The following GABPB2 variants were observed in gnomAD, a reference collection of about 807,000 sequenced individuals.
GABPB2 encodes the protein GA binding protein transcription factor subunit beta 2.
A neutral mutation model predicts 39.1 loss-of-function variants in GABPB2; 23 were observed. That is an observed-to-expected ratio of 0.59 (90% CI 0.42 to 0.83). GABPB2 has a LOEUF of 0.83. GABPB2 is among the 40% of genes least tolerant of loss of function. The pLI is 0.00. For missense variants in GABPB2, 467 were observed against 541.1 expected (o/e 0.86, Z 1.36); for synonymous variants, 184 against 199.3 (o/e 0.92, Z 0.65).
At chr1:151,090,941 T>C (rs1389204811) in intron 3 of GABPB2, among the ~76,000 whole-genome samples, 1 of 150,298 alleles carries the variant, frequency 6.7e-6, no homozygotes, top group Non-Finnish European at 1.5e-5. Flanking sequence ...GAGGTTGTGG[T>C]GAGGCAAGAT....
intron 4 of GABPB2, among the ~76,000 whole-genome samples, chr1:151,094,259 C>G (rs1465640792): frequency 6.6e-6 from 1 of 151,824 alleles, no homozygotes; most frequent in East Asian, 1.9e-4. Context: ...GCCATGTTGC[C>G]CAGGCTGGTC....
intron 4 of GABPB2, among the ~76,000 whole-genome samples, chr1:151,097,553 G>A (rs1366556326): frequency 2.0e-5 from 3 of 152,084 alleles, no homozygotes; most frequent in Non-Finnish European, 4.4e-5. Flanking sequence ...AGGCCAAGGT[G>A]GGCGATTTGC....
Position 151,118,964 on chromosome 1 carries a change from TTGTC to T in GABPB2, c.*711_*714del, listed in dbSNP as rs1201571566. 1 of 152,202 alleles carries T rather than the reference TTGTC, an allele frequency of 6.6e-6. No homozygotes were observed. The highest frequency in any genetic ancestry group is 1.5e-5 in the Non-Finnish European group (1 of 68,074). 9.4% of individuals were successfully genotyped at this position (152,202 alleles called of 1,614,324 possible). A position where few individuals can be genotyped will look rare whatever the true frequency, so the allele number is the denominator to read the frequency against. On this transcript the variant is annotated 3_prime_UTR_variant, in exon 9 of 9. Transcript: ENST00000368918. ...CACATCACTGAGAAGAAATTTTTGA[TTGTC>T]TGACAGATACTTATCCATTATGTGT...
rs587717730 is a variant in GABPB2 at position 151,116,442 on chromosome 1, G to A, written c.923-950G>A. On this transcript the variant is annotated intron_variant, in intron 7 of 8. Transcript: ENST00000368918. ...ACAACTTTTAGCCATTCTGACAGAT[G>A]TGTAGTGTGTCATGTGTGTTGTGTG... Among the ~76,000 whole-genome samples the A allele has an allele frequency of 8.6e-5, 13 of 150,978 alleles. No individual in the cohort carries two copies. In the South Asian group the frequency reaches 2.5e-3, roughly 29 times the overall value.
Position 151,088,101 on chromosome 1 carries a change from A to G in GABPB2, c.1-89A>G, listed in dbSNP as rs1016865997. The G allele has an allele frequency of 3.5e-6, 3 of 852,166 alleles. No homozygotes were observed. The African/African-American group carries it at 5.1e-5, about 14-fold the overall frequency. The allele number at this position is 852,166 out of a possible 1,614,324, so 52.8% of individuals were successfully genotyped here. On this transcript the variant is annotated intron_variant, in intron 1 of 8. Transcript: ENST00000368918. ...TTGAGATGTATCTTATATACATTCA[A>G]ATATAAGAAGTCTTCTAAAAAATGT...
In GABPB2 at chr1:151,078,541, C is replaced by T. The variant is rs587711587; in HGVS notation, c.-1+7607C>T. On this transcript the variant is annotated intron_variant, in intron 1 of 8. Coordinates refer to ENST00000368918, the MANE Select transcript of GABPB2 (RefSeq NM_144618.3). ...CCGGGAGACGGAGCTTGCAGTGAGC[C>T]GAGATCGCGCCACTGCACTCTAGCC... 4.4e-3 allele frequency among the ~76,000 whole-genome samples: 660 copies of T among 151,472 alleles called. 9 individuals are homozygous for T. Among genetic ancestry groups the T allele is most frequent in the African/African-American group, 0.015 (632 of 41,320 alleles).
At chr1:151,103,098 G>A (rs1679672068) in intron 5 of GABPB2, among the ~76,000 whole-genome samples, 1 of 129,548 alleles carries the variant, frequency 7.7e-6, no homozygotes, top group African/African-American at 2.9e-5. Context: ...CGCCCAGGCT[G>A]AAGTGCAATG....
intron 1 of GABPB2, 124 bp from the exon 2 acceptor site, chr1:151,088,066 G>C: frequency 3.1e-6 from 2 of 646,592 alleles, no homozygotes; most frequent in South Asian, 1.9e-5. Context: ...TGACCTACCA[G>C]ACAGTCAACT....
rs1678866048 is a variant in GABPB2 at position 151,093,342 on chromosome 1, A to G, written c.427A>G (p.Ile143Val). 1 of 1,608,852 alleles carries G rather than the reference A, an allele frequency of 6.2e-7. No homozygotes were observed. The highest frequency in any genetic ancestry group is 8.5e-7 in the Non-Finnish European group (1 of 1,178,054). Residue 143 changes from isoleucine to valine, a missense_variant, in exon 4 of 9, where the codon ATA becomes GTA. Coordinates refer to ENST00000368918, the MANE Select transcript of GABPB2 (RefSeq NM_144618.3). ...FSKFDKSAFD[I>V]ALEKNNAEIL... ...CAAATTTGATAAATCAGCCTTTGAC[A>G]TAGCTCTGGAGAAAAACAATGCTGA...
intron 3 of GABPB2, among the ~76,000 whole-genome samples, chr1:151,091,330 C>T (rs924911042): frequency 2.6e-5 from 4 of 151,670 alleles, no homozygotes; most frequent in African/African-American, 9.7e-5. Flanking sequence ...TCAGGTGATC[C>T]ACCTGCCTTG....
Position 151,070,944 on chromosome 1 carries a change from AAAG to A in GABPB2, c.-1+15_-1+17del, listed in dbSNP as rs1381377135. On this transcript the variant is annotated intron_variant, in intron 1 of 8. Transcript: ENST00000368918. ...CGTCCCGGACGAGGAGGTGAGGAGG[AAAG>A]AAGAGATGTGTGGACTCCGGGGGGC... 2.0e-5 allele frequency: 3 copies of A among 152,218 alleles called. No individual in the cohort carries two copies. The highest frequency in any genetic ancestry group is 1.9e-4 in the East Asian group (1 of 5,202). The allele number at this position is 152,218 out of a possible 1,614,324, so 9.4% of individuals were successfully genotyped here. A position where few individuals can be genotyped will look rare whatever the true frequency, so the allele number is the denominator to read the frequency against.
At chr1:151,082,862 G>A (rs1265469446) in intron 1 of GABPB2, among the ~76,000 whole-genome samples, 1 of 151,686 alleles carries the variant, frequency 6.6e-6, no homozygotes, top group African/African-American at 2.4e-5. Context: ...TGTAGTCCTA[G>A]CTACTCAAGA....
chr1:151,101,806 AAT>A (rs1028726724), intron 5 of GABPB2, among the ~76,000 whole-genome samples: 1 of 152,206 alleles, frequency 6.6e-6, no homozygotes, highest in African/African-American at 2.4e-5. Context: ...TAGTGAAAGA[AAT>A]AGAGAAATAT....
rs758967678 is a variant in GABPB2 at position 151,122,911 on chromosome 1, G to T, written c.*4655G>T. 6.6e-6 allele frequency: 1 copy of T among 151,958 alleles called. No homozygotes were observed. The highest frequency in any genetic ancestry group is 1.5e-5 in the Non-Finnish European group (1 of 68,006). The allele number at this position is 151,958 out of a possible 1,614,324, so 9.4% of individuals were successfully genotyped here. ...GCATTGATTTTTATTTACTCGGAAC[G>T]GTCCTCTTGGCATCCCAGATAAGGG... is the stretch of plus-strand genomic sequence containing the variant. On this transcript the variant is annotated 3_prime_UTR_variant, in exon 9 of 9. Transcript: ENST00000368918.
At chr1:151,071,836 A>G (rs983689952) in intron 1 of GABPB2, among the ~76,000 whole-genome samples, 29 of 152,326 alleles carry the variant, frequency 1.9e-4, no homozygotes, top group Middle Eastern at 3.4e-3. Flanking sequence ...GAGCAATACT[A>G]AAAGAACCAT....
chr1:151,098,113 C>A, intron 5 of GABPB2, 111 bp downstream of exon 5: 1 of 876,816 alleles, frequency 1.1e-6, no homozygotes, highest in African/African-American at 1.7e-5. Flanking sequence ...TAAAATATTG[C>A]CAAAGCAGAA....
chr1:151,077,323 C>A (rs927912308), intron 1 of GABPB2, among the ~76,000 whole-genome samples: 6 of 150,146 alleles, frequency 4.0e-5, no homozygotes, highest in African/African-American at 1.5e-4. Context: ...TATCCTGGGA[C>A]CTCAGGAGGG....
At chr1:151,091,473 A>C (rs1181170850) in intron 3 of GABPB2, among the ~76,000 whole-genome samples, 49 of 145,946 alleles carry the variant, frequency 3.4e-4, no homozygotes, top group African/African-American at 1.2e-3. Context: ...CTCAAAAAAA[A>C]AAAAAAAAAA....
At chr1:151,111,596 T>C (rs1004223671) in intron 7 of GABPB2, among the ~76,000 whole-genome samples, 1 of 151,666 alleles carries the variant, frequency 6.6e-6, no homozygotes, top group African/African-American at 2.4e-5. Flanking sequence ...CTAATTTTTT[T>C]TGTATTTTTA....
Sources: gnomAD v4.1 joint callset for allele counts (sites outside exome capture counted in the v4.1 genomes callset) on GRCh38, gnomAD v4.1.1 for gene constraint, MANE v1.5 for transcripts, NCBI Gene and HGNC (gene_info 2026-07-23, HGNC 2026-07-21) for gene names.